The following RGPD4 variants were observed in gnomAD, a reference collection of about 807,000 sequenced individuals.
RGPD4 encodes the protein RANBP2 like and GRIP domain containing 4.
A neutral mutation model predicts 141.1 loss-of-function variants in RGPD4; 84 were observed. The observed-to-expected ratio is 0.60, with a 90% confidence interval of 0.50 to 0.71. The LOEUF is 0.71. Among genes scored for constraint, RGPD4 ranks in the 30% least tolerant of loss-of-function variants. The pLI is 0.00. For synonymous variants in RGPD4, 298 were observed against 566.8 expected (o/e 0.53, Z 6.74); for missense variants, 918 against 1,622.4 (o/e 0.57, Z 7.46).
At chr2:107,856,132 C>G (rs1169498969) in intron 8 of RGPD4, among the ~76,000 whole-genome samples, 11 of 124,578 alleles carry the variant, frequency 8.8e-5, no homozygotes, top group Admixed American at 6.4e-4. Context: ...CGGCTCACTG[C>G]AAGCTCCGCC....
chr2:107,844,831 T>C (rs2912683), intron 6 of RGPD4, among the ~76,000 whole-genome samples: 20 of 25,284 alleles, frequency 7.9e-4, no homozygotes, highest in African/African-American at 2.3e-3. Context: ...TTCTTTTTTG[T>C]TTTTTTTTTT....
Position 107,888,524 on chromosome 2 carries a change from G to C in RGPD4, c.5267-2197G>C, listed in dbSNP as rs576634175. Among the ~76,000 whole-genome samples, 422 of 151,738 alleles carry C rather than the reference G, an allele frequency of 2.8e-3. 7 individuals are homozygous for C. The highest frequency in any genetic ancestry group is 5.3e-4 in the Non-Finnish European group (36 of 67,978). ...CTACTTTCTAGAAGTTCTTCAGATT[G>C]TGGAAGAGAGACTTTTCAGAGTTCT... On this transcript the variant is annotated intron_variant, in intron 22 of 22. Coordinates refer to ENST00000408999, the MANE Select transcript of RGPD4 (RefSeq NM_182588.3).
chr2:107,859,789 A>G lies in RGPD4; in HGVS notation c.1702A>G (p.Lys568Glu), dbSNP rs543097384. 1 of 1,610,524 alleles carries G rather than the reference A, an allele frequency of 6.2e-7. No homozygotes were observed. Among genetic ancestry groups the G allele is most frequent in the East Asian group, 2.2e-5 (1 of 44,834 alleles). Reference sequence around the variant, plus strand: ...AATAAACACTCTAAGAGCCCAGGAAAAACATGGCCTTCAACCTGCTCTGCT... The same window carrying G: ...AATAAACACTCTAAGAGCCCAGGAAGAACATGGCCTTCAACCTGCTCTGCT... Reference protein sequence around the residue: ...HEINTLRAQEKHGLQPALLVH... With the variant: ...HEINTLRAQEEHGLQPALLVH... Residue 568 changes from lysine to glutamate, a missense_variant, in exon 12 of 23, where the codon AAA (lysine) becomes GAA (glutamate). Physicochemically the swap from Lys to Glu is moderately conservative, Grantham distance 56. Coordinates refer to ENST00000408999, the MANE Select transcript of RGPD4 (RefSeq NM_182588.3).
intron 21 of RGPD4, among the ~76,000 whole-genome samples, chr2:107,881,949 C>G (rs2433699): frequency 2.6e-5 from 4 of 151,950 alleles, no homozygotes; most frequent in East Asian, 1.9e-4. Context: ...TCAGGAACAG[C>G]GTAGGGGCAG....
intron 22 of RGPD4, among the ~76,000 whole-genome samples, chr2:107,884,603 ATCATAGATGGTATTGTGTGCTTTC>A (rs1468020511): frequency 6.8e-6 from 1 of 146,112 alleles, no homozygotes; most frequent in Non-Finnish European, 1.5e-5. Flanking sequence ...ACAAAAATAC[ATCATAGATGGTATTGTGTGCTTTC>A]TAAGACATCA....
At position 107,844,827 on chromosome 2, in the gene RGPD4, TTTG is replaced by T. The variant is rs1558795002; in HGVS notation, c.782+1100_782+1102del. Among the ~76,000 whole-genome samples the T allele has an allele frequency of 3.0e-4, 23 of 75,430 alleles. 1 individual carries two copies. The highest frequency in any genetic ancestry group is 1.1e-3 in the African/African-American group (22 of 19,830). The allele number at this position is 75,430 out of a possible 152,430, so 49.5% of individuals were successfully genotyped here. On this transcript the variant is annotated intron_variant, in intron 6 of 22. Transcript: ENST00000408999. The stretch of plus-strand genomic sequence containing the variant: ...CCTTTCTTTCTTTCTTTCTTTCTTT[TTTG>T]TTTTTTTTTTTTTTTTTTTTTTTTG...
At position 107,890,804 on chromosome 2, in the gene RGPD4, A is replaced by G. The variant is rs1326528290; in HGVS notation, c.*73A>G. The G allele has an allele frequency of 2.6e-5, 42 of 1,588,040 alleles. No homozygotes were observed. Among genetic ancestry groups the G allele is most frequent in the Non-Finnish European group, 3.0e-5 (35 of 1,167,220 alleles). ...TGGACTTCGATAGGTTGATGGAAGG[A>G]ATATTTTTATTAACCAAATAAAATC... is the stretch of plus-strand genomic sequence containing the variant. On this transcript the variant is annotated 3_prime_UTR_variant, in exon 23 of 23. Transcript: ENST00000408999.
At chr2:107,828,478 G>A (rs1454172018) in intron 1 of RGPD4, among the ~76,000 whole-genome samples, 1 of 81,552 alleles carries the variant, frequency 1.2e-5, no homozygotes, top group Non-Finnish European at 2.5e-5. Context: ...GCTCCCTGGC[G>A]CGCTCTGTTG....
intron 21 of RGPD4, among the ~76,000 whole-genome samples, 152 bp downstream of exon 21, chr2:107,880,259 C>CTTTTTTTT (rs58305715): frequency 2.1e-4 from 10 of 48,182 alleles, no homozygotes; most frequent in African/African-American, 3.9e-4. Flanking sequence ...GAAATATTGC[C>CTTTTTTTT]TTTTTTTTTT....
chr2:107,827,394 T>G (rs1183751475), intron 1 of RGPD4, among the ~76,000 whole-genome samples: 4 of 78,882 alleles, frequency 5.1e-5, no homozygotes, highest in Non-Finnish European at 1.0e-4. Context: ...TGGCGCGCTC[T>G]GTTGAGGCGG....
chr2:107,835,515 A>T (rs1022271949), intron 1 of RGPD4, among the ~76,000 whole-genome samples: 7 of 150,346 alleles, frequency 4.7e-5, no homozygotes, highest in African/African-American at 1.7e-4. Flanking sequence ...CTGTAGAGAG[A>T]ACAGTACATG....
chr2:107,872,337 G>C lies in RGPD4; in HGVS notation c.4333G>C (p.Ala1445Pro). 6.2e-7 allele frequency: 1 copy of C among 1,603,794 alleles called. No homozygotes were observed. The highest frequency in any genetic ancestry group is 8.5e-7 in the Non-Finnish European group (1 of 1,178,306). Residue 1445 changes from alanine (A) to proline (P), a missense_variant, in exon 20 of 23, where the codon GCT becomes CCT. Physicochemically the swap from Ala to Pro is conservative, Grantham distance 27. Coordinates refer to ENST00000408999, the MANE Select transcript of RGPD4 (RefSeq NM_182588.3). ...ADGERKVEHL[A>P]VRFKLQDVAD... is the part of the protein sequence containing the mutation. ...TGGAGAAAGAAAAGTAGAGCATTTAGCTGTTCGTTTTAAACTACAGGATGT... is the reference window on the plus strand; with the variant it reads ...TGGAGAAAGAAAAGTAGAGCATTTACCTGTTCGTTTTAAACTACAGGATGT...
chr2:107,827,047 G>C lies in RGPD4; in HGVS notation c.34G>C (p.Val12Leu), dbSNP rs200269994. The C allele has an allele frequency of 6.0e-3, 9,585 of 1,597,602 alleles. 97 individuals are homozygous for C. Among genetic ancestry groups the C allele is most frequent in the South Asian group, 0.031 (2,717 of 87,894 alleles). ...SCSKAYGERY[V>L]ASVQGSAPSP... ...CAGCAAGGCCTACGGGGAGCGGTAC[G>C]TCGCCTCCGTGCAGGGCTCCGCCCC... The change falls in exon 1 of 23, where the codon GTC becomes CTC. Residue 12 changes from valine (V) to leucine (L), a missense_variant. By Grantham distance (32) the Val-to-Leu change is conservative (BLOSUM62 1). Transcript: ENST00000408999.
chr2:107,845,196 A>C, intron 6 of RGPD4, among the ~76,000 whole-genome samples: 1 of 103,420 alleles, frequency 9.7e-6, no homozygotes, highest in African/African-American at 3.8e-5. Flanking sequence ...GCCCGACACC[A>C]CACCTGGCTA....
intron 20 of RGPD4, among the ~76,000 whole-genome samples, chr2:107,878,513 T>C (rs1460198302): frequency 1.3e-5 from 2 of 151,704 alleles, no homozygotes; most frequent in South Asian, 2.1e-4. Flanking sequence ...AATATGTTCT[T>C]CTTTAATTTC....
intron 22 of RGPD4, among the ~76,000 whole-genome samples, chr2:107,887,939 A>C (rs1675557810): frequency 1.4e-5 from 1 of 73,976 alleles, no homozygotes; most frequent in South Asian, 5.8e-4. Flanking sequence ...TTGCTCCCAG[A>C]CTGGGTTACA....
intron 1 of RGPD4, among the ~76,000 whole-genome samples, chr2:107,831,327 T>C (rs925974390): frequency 3.7e-4 from 54 of 144,382 alleles, no homozygotes; most frequent in African/African-American, 1.3e-3. Flanking sequence ...ACAGCTCTTA[T>C]TTTTATTTAT....
intron 8 of RGPD4, among the ~76,000 whole-genome samples, chr2:107,855,957 G>A (rs1472928783): frequency 1.1e-5 from 1 of 89,964 alleles, no homozygotes; most frequent in Non-Finnish European, 2.0e-5. Flanking sequence ...CTGTGTTATA[G>A]CATGTATCAG....
intron 10 of RGPD4, 31 bp downstream of exon 10, chr2:107,859,326 C>G: frequency 6.3e-7 from 1 of 1,584,348 alleles, no homozygotes; most frequent in Non-Finnish European, 8.6e-7. Context: ...ATTAAATATT[C>G]TGAATTTTGT....
Sources: gnomAD v4.1 joint callset for allele counts (sites outside exome capture counted in the v4.1 genomes callset) on GRCh38, gnomAD v4.1.1 for gene constraint, MANE v1.5 for transcripts, NCBI Gene and HGNC (gene_info 2026-07-23, HGNC 2026-07-21) for gene names.